Variants in ELP4 observed in about 807,000 individuals in gnomAD.
ELP4 encodes elongator acetyltransferase complex subunit 4.
A neutral mutation model predicts 48.9 loss-of-function variants in ELP4; 51 were observed. The ratio of observed to expected loss-of-function variants is 1.04; its 90% CI spans 0.83 to 1.32. The LOEUF (loss-of-function observed/expected upper bound fraction) is 1.32, where lower values mean the gene tolerates loss of function less well. Among genes scored for constraint, ELP4 ranks in the 40% most tolerant of loss-of-function variants. The probability of loss-of-function intolerance (pLI) is 0.00; values close to 1 mark genes in which losing one functional copy is unlikely to be tolerated. For synonymous variants in ELP4, 210 were observed against 189.2 expected (o/e 1.11, Z -0.90); for missense variants, 519 against 514.6 (o/e 1.01, Z -0.08).
At chr11:31,591,199 G>A (rs916383274) in intron 3 of ELP4, among the ~76,000 whole-genome samples, 1 of 152,004 alleles carries the variant, frequency 6.6e-6, no homozygotes, top group African/African-American at 2.4e-5. Flanking sequence ...AAGGTCAGGA[G>A]ATTGAAACTA....
At chr11:31,531,756 C>T (rs1032197116) in intron 2 of ELP4, among the ~76,000 whole-genome samples, 7 of 152,004 alleles carry the variant, frequency 4.6e-5, no homozygotes, top group Non-Finnish European at 8.8e-5. Flanking sequence ...GTTTTTGAAA[C>T]GGGAGTGACA....
chr11:31,545,759 A>C (rs1956695981), intron 3 of ELP4, among the ~76,000 whole-genome samples: 1 of 152,270 alleles, frequency 6.6e-6, no homozygotes, highest in South Asian at 2.1e-4. Flanking sequence ...CCACAAAGGG[A>C]AGCCCATCAG....
intron 4 of ELP4, among the ~76,000 whole-genome samples, chr11:31,602,980 A>G (rs982230769): frequency 3.0e-4 from 46 of 151,988 alleles, no homozygotes; most frequent in Non-Finnish European, 6.2e-4. Flanking sequence ...AAAGCAATGT[A>G]ATAATAATGT....
At chr11:31,663,347 G>C (rs529251308) in intron 9 of ELP4, 1 of 151,978 alleles carries the variant, frequency 6.6e-6, no homozygotes, top group Non-Finnish European at 1.5e-5. Flanking sequence ...AAAATTCAGT[G>C]TTTTCATTTG....
chr11:31,648,206 A>G (rs1945245530), intron 8 of ELP4: 1 of 160,916 alleles, frequency 6.2e-6, no homozygotes, highest in Non-Finnish European at 1.4e-5. Context: ...AGCAGTTTAT[A>G]CTTTACAAAG....
intron 9 of ELP4, among the ~76,000 whole-genome samples, chr11:31,695,796 C>T (rs1946391078): frequency 9.3e-6 from 1 of 107,820 alleles, no homozygotes; most frequent in Non-Finnish European, 2.0e-5. Context: ...CCATCTGATC[C>T]TGAGCTTTTT....
At chr11:31,510,142 T>C in intron 1 of ELP4, 135 bp downstream of exon 1, 1 of 787,390 alleles carries the variant, frequency 1.3e-6, no homozygotes, top group Non-Finnish European at 2.0e-6. Context: ...CTGGTCTGAT[T>C]GAGATGGAGG....
At position 31,550,143 on chromosome 11, in the gene ELP4, A is replaced by G. The variant is rs189765844; in HGVS notation, c.381+10360A>G. On this transcript the variant is annotated intron_variant, in intron 3 of 9. Coordinates refer to ENST00000640961, the MANE Select transcript of ELP4 (RefSeq NM_019040.5). ...ACTTAAAGTATAATAATAAAAAAAA[A>G]ATAAAAAATAATGCCAAATGAATAT... Among the ~76,000 whole-genome samples, 472 of 152,324 alleles carry G rather than the reference A, an allele frequency of 3.1e-3. 5 individuals carry two copies. The highest frequency in any genetic ancestry group is 0.011 in the African/African-American group (454 of 41,564).
intron 9 of ELP4, among the ~76,000 whole-genome samples, chr11:31,729,812 T>G (rs1213047409): frequency 6.6e-6 from 1 of 152,238 alleles, no homozygotes; most frequent in African/African-American, 2.4e-5. Flanking sequence ...TCTTCTAGCT[T>G]GTCTACGTAT....
chr11:31,690,421 CT>C (rs1486647195), intron 9 of ELP4, among the ~76,000 whole-genome samples: 1 of 151,308 alleles, frequency 6.6e-6, no homozygotes, highest in Non-Finnish European at 1.5e-5. Context: ...CTTCTTTTTC[CT>C]AAAAAAAAAT....
chr11:31,783,288 G>A (rs1948421848), intron 9 of ELP4, 105 bp from the exon 10 acceptor site: 2 of 1,006,442 alleles, frequency 2.0e-6, no homozygotes, highest in African/African-American at 3.2e-5. Flanking sequence ...TCTAAATGCT[G>A]ATCAACAGAG....
intron 9 of ELP4, among the ~76,000 whole-genome samples, chr11:31,680,635 G>A (rs925430354): frequency 1.3e-5 from 2 of 152,082 alleles, no homozygotes; most frequent in Admixed American, 6.6e-5. Context: ...TTGAAGTAAC[G>A]GTTTGACAAT....
In ELP4 at chr11:31,657,675, C is replaced by G. The variant is rs147163627; in HGVS notation, c.1143+7454C>G. Among the ~76,000 whole-genome samples the G allele has an allele frequency of 9.0e-3, 1,366 of 151,800 alleles. 12 individuals are homozygous for G. Among genetic ancestry groups the G allele is most frequent in the South Asian group, 0.027 (129 of 4,810 alleles). ...ATTTAATTTTAATCCTCACAGGAAC[C>G]CTTGCATACATACTATTTCACATAT... On this transcript the variant is annotated intron_variant, in intron 9 of 9. Transcript: ENST00000640961.
In ELP4 at chr11:31,627,670, G is replaced by A. The variant is rs186519580; in HGVS notation, c.738+476G>A. On this transcript the variant is annotated intron_variant, in intron 6 of 9. Transcript: ENST00000640961. ...GCCATATTAAATATTTTATAACAAC[G>A]ATTTCTCTGTAGCTCTAATTTTTAA... 1.2e-3 allele frequency among the ~76,000 whole-genome samples: 179 copies of A among 151,888 alleles called. No individual in the cohort carries two copies. In the Middle Eastern group the frequency reaches 0.024, roughly 20 times the overall value.
At chr11:31,776,702 A>G (rs1395764480) in intron 9 of ELP4, among the ~76,000 whole-genome samples, 2 of 152,226 alleles carry the variant, frequency 1.3e-5, no homozygotes, top group Non-Finnish European at 1.5e-5. Flanking sequence ...ATGGACAGCC[A>G]ATGTGCAGTG....
intron 9 of ELP4, among the ~76,000 whole-genome samples, chr11:31,731,512 A>G (rs994310071): frequency 6.6e-6 from 1 of 151,990 alleles, no homozygotes; most frequent in African/African-American, 2.4e-5. Flanking sequence ...TCAGAGAAGC[A>G]AAAAGAAAAA....
rs1956786679 is a variant in ELP4 at position 31,548,966 on chromosome 11, A to G, written c.381+9183A>G. 5.3e-5 allele frequency among the ~76,000 whole-genome samples: 8 copies of G among 152,212 alleles called. No homozygotes were observed. The South Asian group carries it at 1.7e-3, about 32-fold the overall frequency. The stretch of plus-strand genomic sequence containing the variant: ...AGCTGAAACTGGACCCCTTCCTTAC[A>G]CCTTATACAAAAATCAATTCAAGAT... On this transcript the variant is annotated intron_variant, in intron 3 of 9. Coordinates refer to ENST00000640961, the MANE Select transcript of ELP4 (RefSeq NM_019040.5).
chr11:31,545,568 T>TGA, intron 3 of ELP4, among the ~76,000 whole-genome samples: 1 of 152,260 alleles, frequency 6.6e-6, no homozygotes, highest in East Asian at 1.9e-4. Flanking sequence ...CTGCAGGATA[T>TGA]TATCCTGGAG....
intron 3 of ELP4, among the ~76,000 whole-genome samples, chr11:31,579,166 C>T (rs2133968989): frequency 6.6e-6 from 1 of 152,238 alleles, no homozygotes; most frequent in South Asian, 2.1e-4. Flanking sequence ...TTTATGCAGC[C>T]AACAGACACA....
Sources: gnomAD v4.1 joint callset for allele counts (sites outside exome capture counted in the v4.1 genomes callset) on GRCh38, gnomAD v4.1.1 for gene constraint, MANE v1.5 for transcripts, NCBI Gene and HGNC (gene_info 2026-07-23, HGNC 2026-07-21) for gene names.